Variants in PHF14 observed in about 807,000 individuals in gnomAD.
The protein encoded by PHF14 is PHD finger protein 14.
In PHF14, 55 loss-of-function variants were observed where a neutral mutation model predicts 117.9. The ratio of observed to expected loss-of-function variants is 0.47; its 90% confidence interval spans 0.38 to 0.58. PHF14 has a LOEUF of 0.58. Among genes scored for constraint, PHF14 ranks in the 20% least tolerant of loss-of-function variants. The pLI, the probability that PHF14 is intolerant of heterozygous loss-of-function variation, is 0.00. For missense variants in PHF14, 978 were observed against 1,122.2 expected (o/e 0.87, Z 1.84); for synonymous variants, 409 against 368.6 (o/e 1.11, Z -1.26).
chr7:11,122,453 A>G (rs901101775), intron 17 of PHF14, among the ~76,000 whole-genome samples: 3 of 144,112 alleles, frequency 2.1e-5, no homozygotes, highest in Non-Finnish European at 4.5e-5. Context: ...GTATATATAT[A>G]TATTGTGTGT....
At chr7:11,047,139 A>AGG (rs1363475493) in intron 13 of PHF14, among the ~76,000 whole-genome samples, 1 of 151,358 alleles carries the variant, frequency 6.6e-6, no homozygotes, top group African/African-American at 2.4e-5. Flanking sequence ...CACAATCGCA[A>AGG]CTCACCGCAA....
chr7:11,077,716 A>C (rs996341804), intron 16 of PHF14, among the ~76,000 whole-genome samples: 1 of 151,342 alleles, frequency 6.6e-6, no homozygotes, highest in African/African-American at 2.4e-5. Context: ...GTGAGCTTAG[A>C]GGTTGTTTTT....
chr7:11,099,255 C>G (rs1197083966), intron 16 of PHF14, among the ~76,000 whole-genome samples: 4 of 152,008 alleles, frequency 2.6e-5, no homozygotes, highest in Non-Finnish European at 5.9e-5. Flanking sequence ...GTATCACATT[C>G]TTTGACTTAA....
intron 17 of PHF14, among the ~76,000 whole-genome samples, chr7:11,167,440 T>G (rs928197320): frequency 6.6e-6 from 1 of 152,228 alleles, no homozygotes; most frequent in Non-Finnish European, 1.5e-5. Context: ...TTCCAAATTA[T>G]GTATTAATTC....
chr7:11,038,140 G>A (rs113243701), intron 10 of PHF14, among the ~76,000 whole-genome samples: 23 of 152,266 alleles, frequency 1.5e-4, no homozygotes, highest in African/African-American at 5.3e-4. Flanking sequence ...GAGGCCGAGC[G>A]CAGTGGCTCA....
intron 17 of PHF14, among the ~76,000 whole-genome samples, chr7:11,152,238 A>C (rs574290888): frequency 2.0e-4 from 30 of 152,286 alleles, no homozygotes; most frequent in African/African-American, 7.2e-4. Context: ...ATCATGAGCA[A>C]TTCTAACTGT....
Position 11,056,366 on chromosome 7 carries a change from A to C in PHF14, c.2481+4586A>C, listed in dbSNP as rs141228053. Among the ~76,000 whole-genome samples, 79 of 151,080 alleles carry C rather than the reference A, an allele frequency of 5.2e-4. 5 individuals carry two copies. The highest frequency in any genetic ancestry group is 1.9e-3 in the African/African-American group (77 of 41,316). ...ATAGCAGCACTTACTTGTCATGTAG[A>C]ATACATATTTTATTATATATCATTA... On this transcript the variant is annotated intron_variant, in intron 14 of 17. Transcript: ENST00000634607.
Position 10,974,166 on chromosome 7 carries a change from C to T in PHF14, c.-158C>T, listed in dbSNP as rs1781780660. The T allele has an allele frequency of 4.9e-5, 32 of 657,670 alleles. No homozygotes were observed. In the South Asian group the frequency reaches 5.4e-4, roughly 11 times the overall value. The allele number at this position is 657,670 out of a possible 1,614,324, so 40.7% of individuals were successfully genotyped here. On this transcript the variant is annotated 5_prime_UTR_variant, in exon 1 of 18. Transcript: ENST00000634607. Reference sequence around the variant, plus strand: ...GGCGGGGGGTTAGGGGACCGCGGGGCTACTCTTGGGAGCGCCCCTGTCCGG... The same window carrying T: ...GGCGGGGGGTTAGGGGACCGCGGGGTTACTCTTGGGAGCGCCCCTGTCCGG...
chr7:11,054,462 TC>T (rs1447741655), intron 14 of PHF14, among the ~76,000 whole-genome samples: 1 of 152,150 alleles, frequency 6.6e-6, no homozygotes, highest in African/African-American at 2.4e-5. Context: ...ACTAAACTGT[TC>T]AAGGAATGTA....
At chr7:11,101,093 G>A (rs1787069617) in intron 16 of PHF14, among the ~76,000 whole-genome samples, 1 of 151,832 alleles carries the variant, frequency 6.6e-6, no homozygotes, top group South Asian at 2.1e-4. Context: ...TGGGAAGATA[G>A]GAGCCAAGAG....
chr7:11,164,062 G>T (rs997604159), intron 17 of PHF14, among the ~76,000 whole-genome samples: 5 of 152,064 alleles, frequency 3.3e-5, no homozygotes, highest in African/African-American at 9.7e-5. Flanking sequence ...TTCCTTCTCT[G>T]GTTAGTAAAA....
intron 17 of PHF14, among the ~76,000 whole-genome samples, chr7:11,147,775 C>T (rs1788589319): frequency 6.6e-6 from 1 of 152,142 alleles, no homozygotes; most frequent in Non-Finnish European, 1.5e-5. Flanking sequence ...TGATTGCATG[C>T]AGTTGTACCT....
intron 16 of PHF14, among the ~76,000 whole-genome samples, chr7:11,096,764 T>G (rs1321331082): frequency 1.3e-5 from 2 of 152,150 alleles, no homozygotes; most frequent in Non-Finnish European, 2.9e-5. Flanking sequence ...CACAGGACAG[T>G]CATGGTGATT....
At chr7:11,064,405 T>C (rs1785350862) in intron 16 of PHF14, among the ~76,000 whole-genome samples, 1 of 151,992 alleles carries the variant, frequency 6.6e-6, no homozygotes, top group South Asian at 2.1e-4. Context: ...AATAAGGATT[T>C]ATTTTCTCTA....
intron 17 of PHF14, among the ~76,000 whole-genome samples, chr7:11,115,373 A>G (rs906002491): frequency 1.3e-5 from 2 of 152,042 alleles, no homozygotes; most frequent in Admixed American, 6.6e-5. Context: ...AATTAATTCT[A>G]TATAACATCT....
intron 14 of PHF14, among the ~76,000 whole-genome samples, chr7:11,055,473 TA>T (rs1784986376): frequency 6.6e-6 from 1 of 152,188 alleles, no homozygotes; most frequent in South Asian, 2.1e-4. Context: ...CTTCCTGACT[TA>T]CAAATTCTGG....
chr7:10,982,640 A>G lies in PHF14; in HGVS notation c.381A>G (p.Lys127=). 3 of 1,550,340 alleles carry G rather than the reference A, an allele frequency of 1.9e-6. No individual in the cohort carries two copies. Among genetic ancestry groups the G allele is most frequent in the Non-Finnish European group, 2.6e-6 (3 of 1,144,136 alleles). ...KEKEKEKEKE[K]EKEREKEKEK... ...AGGAAAAAGAAAAGGAAAAGGAGAA[A>G]GAGAAGGAAAGAGAGAAGGAAAAAG... is the stretch of plus-strand genomic sequence containing the variant. Residue 127 remains lysine (K), a synonymous_variant, in exon 3 of 18, where the codon AAA becomes AAG. Coordinates refer to ENST00000634607, the MANE Select transcript of PHF14 (RefSeq NM_001007157.2).
chr7:11,096,203 G>C (rs115302965), intron 16 of PHF14, among the ~76,000 whole-genome samples: 1,679 of 152,160 alleles, frequency 0.011, 30 homozygotes, highest in African/African-American at 0.038. Flanking sequence ...TAAACTTCAA[G>C]TGGGATTAAA....
intron 17 of PHF14, among the ~76,000 whole-genome samples, chr7:11,162,871 C>A (rs897016636): frequency 1.3e-5 from 2 of 151,970 alleles, no homozygotes; most frequent in Non-Finnish European, 2.9e-5. Flanking sequence ...CGAAAAGCTG[C>A]CACAAAGAAG....
Sources: gnomAD v4.1 joint callset for allele counts (sites outside exome capture counted in the v4.1 genomes callset) on GRCh38, gnomAD v4.1.1 for gene constraint, MANE v1.5 for transcripts, NCBI Gene and HGNC (gene_info 2026-07-23, HGNC 2026-07-21) for gene names.